The following DTWD2 variants were observed in gnomAD, a reference collection of about 807,000 sequenced individuals.
DTWD2 encodes the protein tRNA-uridine aminocarboxypropyltransferase 2.
DTWD2 carries 39 observed loss-of-function variants against 31.8 expected under a neutral mutation model. The observed-to-expected ratio is 1.22, with a 90% confidence interval of 0.95 to 1.60. The LOEUF (loss-of-function observed/expected upper bound fraction) is 1.60, where lower values mean the gene tolerates loss of function less well. Ranked by LOEUF, DTWD2 falls within the 40% of genes most tolerant of loss-of-function variation. The pLI is 0.00. For missense variants in DTWD2, 515 were observed against 381.5 expected (o/e 1.35, Z -2.92); for synonymous variants, 180 against 142.8 (o/e 1.26, Z -1.86).
Position 118,973,872 on chromosome 5 carries a change from A to G in DTWD2, c.218+14422T>C, listed in dbSNP as rs1755059955. On this transcript the variant is annotated intron_variant, in intron 1 of 5. Transcript: ENST00000510708. ...CAGGAGAAGAAGGAAGTTGTGGAAG[A>G]GGCAGAAAATGGAAGAGACGCCCCT... The G allele has an allele frequency of 3.7e-6, 6 of 1,611,764 alleles. No individual in the cohort carries two copies. The South Asian group carries it at 6.6e-5, about 18-fold the overall frequency.
chr5:118,866,612 C>A (rs534298989), intron 4 of DTWD2, among the ~76,000 whole-genome samples: 1 of 152,088 alleles, frequency 6.6e-6, no homozygotes, highest in African/African-American at 2.4e-5. Flanking sequence ...AATATAAATT[C>A]TTCTTCAATT....
At chr5:118,870,268 T>C (rs1363936665) in intron 4 of DTWD2, among the ~76,000 whole-genome samples, 1 of 152,256 alleles carries the variant, frequency 6.6e-6, no homozygotes, top group South Asian at 2.1e-4. Context: ...ACGTTTACTA[T>C]AGCACTGCTT....
intron 4 of DTWD2, among the ~76,000 whole-genome samples, chr5:118,901,127 T>C (rs1580795665): frequency 6.6e-6 from 1 of 152,072 alleles, no homozygotes; most frequent in Admixed American, 6.5e-5. Flanking sequence ...ATCATAAAGA[T>C]TTTTAGAACT....
At chr5:118,860,106 T>G (rs1752226681) in intron 4 of DTWD2, among the ~76,000 whole-genome samples, 1 of 151,804 alleles carries the variant, frequency 6.6e-6, no homozygotes, top group Non-Finnish European at 1.5e-5. Flanking sequence ...TATTACAGAG[T>G]GAGACCCTGT....
chr5:118,845,068 A>G (rs940756910), intron 5 of DTWD2, among the ~76,000 whole-genome samples: 1 of 152,132 alleles, frequency 6.6e-6, no homozygotes, highest in African/African-American at 2.4e-5. Flanking sequence ...GATCACTTAA[A>G]CCCAGGAGGC....
chr5:118,988,045 T>C (rs952992446), intron 1 of DTWD2: 12 of 705,188 alleles, frequency 1.7e-5, no homozygotes, highest in Admixed American at 6.0e-5. Flanking sequence ...GAAACAGAAC[T>C]GATGTCTGCT....
Position 118,985,490 on chromosome 5 carries a change from T to TATATATATA in DTWD2, c.218+2803_218+2804insTATATATAT, listed in dbSNP as rs1755403219. On this transcript the variant is annotated intron_variant, in intron 1 of 5. Transcript: ENST00000510708. ...AAAGACCACATGCTTATGTGCATTT[T>TATATATATA]TATATATATATATATATATATATAT... Among the ~76,000 whole-genome samples, 131 of 95,414 alleles carry TATATATATA rather than the reference T, an allele frequency of 1.4e-3. 2 individuals are homozygous for TATATATATA. In the East Asian group the frequency reaches 0.023, roughly 17 times the overall value. The allele number at this position is 95,414 out of a possible 152,430, so 62.6% of individuals were successfully genotyped here.
At chr5:118,952,921 T>C (rs1209460948) in intron 1 of DTWD2, among the ~76,000 whole-genome samples, 2 of 152,220 alleles carry the variant, frequency 1.3e-5, no homozygotes, top group Non-Finnish European at 2.9e-5. Flanking sequence ...TTCCTATTAA[T>C]ACTTCCATTT....
chr5:118,888,636 G>C (rs1488327240), intron 4 of DTWD2, among the ~76,000 whole-genome samples: 5 of 152,134 alleles, frequency 3.3e-5, no homozygotes, highest in African/African-American at 7.2e-5. Context: ...TGAAATGGCT[G>C]GATCACATGT....
intron 1 of DTWD2, among the ~76,000 whole-genome samples, chr5:118,957,781 C>T (rs1330018696): frequency 6.6e-6 from 1 of 152,140 alleles, no homozygotes; most frequent in Non-Finnish European, 1.5e-5. Context: ...TTGCATCTTA[C>T]TATCCTTAAC....
intron 4 of DTWD2, among the ~76,000 whole-genome samples, chr5:118,882,052 C>T (rs1285847607): frequency 6.6e-6 from 1 of 152,226 alleles, no homozygotes; most frequent in Non-Finnish European, 1.5e-5. Context: ...CAAGTACCTT[C>T]CGCCTATGAG....
rs1320676733 is a variant in DTWD2, at chr5:118,874,257, A to G, written c.598-26039T>C. On this transcript the variant is annotated intron_variant, in intron 4 of 5. Coordinates refer to ENST00000510708, the MANE Select transcript of DTWD2 (RefSeq NM_173666.4). ...GATAAGACCACAAAGATGGGAAAGA[A>G]TCAGTGCAAGAATGCTGAAAACTCA... is the stretch of plus-strand genomic sequence containing the variant. 2.0e-5 allele frequency among the ~76,000 whole-genome samples: 3 copies of G among 152,236 alleles called. No individual in the cohort carries two copies. The East Asian group carries it at 5.8e-4, about 29-fold the overall frequency.
chr5:118,893,572 T>C (rs912114564), intron 4 of DTWD2, among the ~76,000 whole-genome samples: 2 of 152,098 alleles, frequency 1.3e-5, no homozygotes, highest in Non-Finnish European at 2.9e-5. Context: ...TTTCAATTTT[T>C]GTAGATGTGA....
intron 4 of DTWD2, among the ~76,000 whole-genome samples, chr5:118,878,016 A>G (rs1752660096): frequency 6.6e-6 from 1 of 152,218 alleles, no homozygotes; most frequent in Admixed American, 6.5e-5. Flanking sequence ...AAGGAGAACT[A>G]CAAAACACTG....
intron 1 of DTWD2, among the ~76,000 whole-genome samples, chr5:118,977,340 A>C (rs1755185942): frequency 6.6e-6 from 1 of 152,242 alleles, no homozygotes; most frequent in African/African-American, 2.4e-5. Context: ...TGGTCAGGGC[A>C]ATCAGGCAAG....
chr5:118,844,037 C>T (rs958767320), intron 5 of DTWD2, among the ~76,000 whole-genome samples: 1 of 152,204 alleles, frequency 6.6e-6, no homozygotes, highest in African/African-American at 2.4e-5. Flanking sequence ...CTAGATAGTT[C>T]CTCCATCAGG....
chr5:118,885,869 G>T (rs1174847130), intron 4 of DTWD2, among the ~76,000 whole-genome samples: 1 of 152,148 alleles, frequency 6.6e-6, no homozygotes, highest in Admixed American at 6.6e-5. Flanking sequence ...GGGGGCTGAG[G>T]TGTAAGGATC....
intron 1 of DTWD2, among the ~76,000 whole-genome samples, chr5:118,949,985 C>T (rs1275434710): frequency 2.0e-5 from 3 of 152,116 alleles, no homozygotes; most frequent in Non-Finnish European, 2.9e-5. Flanking sequence ...CCAAGGCGGG[C>T]AGATCACGAG....
chr5:118,841,150 T>G (rs1311324220), intron 5 of DTWD2, 63 bp from the exon 6 acceptor site: 4 of 1,529,084 alleles, frequency 2.6e-6, no homozygotes, highest in African/African-American at 1.4e-5. Context: ...CTATCTATAT[T>G]TTTCATTCAG....
Sources: gnomAD v4.1 joint callset for allele counts (sites outside exome capture counted in the v4.1 genomes callset) on GRCh38, gnomAD v4.1.1 for gene constraint, MANE v1.5 for transcripts, NCBI Gene and HGNC (gene_info 2026-07-23, HGNC 2026-07-21) for gene names.